Variants in SLC39A11 observed in about 807,000 individuals in gnomAD.
The protein encoded by SLC39A11 is zinc transporter ZIP11.
In SLC39A11, 33 loss-of-function variants were observed where a neutral mutation model predicts 36.1. The observed-to-expected ratio is 0.91, with a 90% CI of 0.69 to 1.22. The LOEUF (loss-of-function observed/expected upper bound fraction) is 1.22, where lower values mean the gene tolerates loss of function less well. SLC39A11 is among the 50% of genes most tolerant of loss of function. SLC39A11 has a pLI of 0.00. For missense variants in SLC39A11, 432 were observed against 430.3 expected, an observed-to-expected ratio of 1.00 and a Z score of -0.03; for synonymous variants, 166 against 170.3, an observed-to-expected ratio of 0.97 and a Z score of 0.20.
chr17:73,050,409 A>G (rs983755000), intron 3 of SLC39A11, among the ~76,000 whole-genome samples: 2 of 147,392 alleles, frequency 1.4e-5, no homozygotes, highest in African/African-American at 2.5e-5. Flanking sequence ...GTGGGTCCTC[A>G]TGGGCCATGA....
intron 7 of SLC39A11, among the ~76,000 whole-genome samples, chr17:72,716,739 T>C (rs2073383299): frequency 6.6e-6 from 1 of 151,820 alleles, no homozygotes; most frequent in Admixed American, 6.6e-5. Context: ...GAAATCGAGG[T>C]GGGCGGATCA....
At chr17:73,039,728 G>T (rs1021433758) in intron 3 of SLC39A11, among the ~76,000 whole-genome samples, 1 of 152,232 alleles carries the variant, frequency 6.6e-6, no homozygotes, top group East Asian at 1.9e-4. Context: ...CAGAATTTTC[G>T]AAGCTTCACA....
At chr17:72,720,257 G>A (rs143530555) in intron 7 of SLC39A11, among the ~76,000 whole-genome samples, 4 of 152,326 alleles carry the variant, frequency 2.6e-5, no homozygotes, top group Non-Finnish European at 4.4e-5. Context: ...ATAAGATGAC[G>A]AAGTCAGCCT....
intron 3 of SLC39A11, among the ~76,000 whole-genome samples, chr17:73,065,197 G>T (rs961739452): frequency 1.3e-5 from 2 of 152,086 alleles, no homozygotes; most frequent in African/African-American, 4.8e-5. Flanking sequence ...TTGAGGTCAG[G>T]AGTTCGAGAC....
intron 3 of SLC39A11, among the ~76,000 whole-genome samples, chr17:73,082,272 G>A (rs2060568107): frequency 6.6e-6 from 1 of 151,622 alleles, no homozygotes; most frequent in East Asian, 1.9e-4. Flanking sequence ...TGATAGGAAA[G>A]AGATACATAA....
At chr17:72,779,568 C>G (rs182998834) in intron 6 of SLC39A11, among the ~76,000 whole-genome samples, 61 of 152,286 alleles carry the variant, frequency 4.0e-4, no homozygotes, top group Admixed American at 1.7e-3. Flanking sequence ...AAGCGCTGTT[C>G]ACCTGACCGT....
intron 6 of SLC39A11, among the ~76,000 whole-genome samples, chr17:72,795,895 CA>C (rs759697262): frequency 2.6e-5 from 4 of 152,098 alleles, no homozygotes; most frequent in Non-Finnish European, 4.4e-5. Flanking sequence ...TGGTATGTAA[CA>C]GGGGCTCAAG....
chr17:72,962,337 A>G (rs951323655), intron 4 of SLC39A11, among the ~76,000 whole-genome samples: 5 of 152,194 alleles, frequency 3.3e-5, no homozygotes, highest in African/African-American at 9.7e-5. Context: ...CTCTGCTCAG[A>G]GTCCCACAGG....
At chr17:72,974,658 A>T (rs1035759076) in intron 4 of SLC39A11, among the ~76,000 whole-genome samples, 14 of 152,142 alleles carry the variant, frequency 9.2e-5, no homozygotes, top group African/African-American at 3.4e-4. Context: ...AAATATTTTG[A>T]TTGCTTTAGT....
intron 4 of SLC39A11, among the ~76,000 whole-genome samples, chr17:72,985,461 G>A (rs1458475623): frequency 1.6e-5 from 2 of 122,640 alleles, no homozygotes; most frequent in African/African-American, 6.4e-5. Flanking sequence ...CACCTAGGCT[G>A]GAGTGCAGGG....
intron 6 of SLC39A11, among the ~76,000 whole-genome samples, chr17:72,826,119 T>C (rs1216543239): frequency 6.6e-6 from 1 of 152,222 alleles, no homozygotes. Flanking sequence ...ATCCCCAGTG[T>C]TGGAGGAAAG....
At chr17:72,803,377 C>T (rs768676809) in intron 6 of SLC39A11, among the ~76,000 whole-genome samples, 10 of 152,260 alleles carry the variant, frequency 6.6e-5, no homozygotes, top group African/African-American at 9.6e-5. Flanking sequence ...CATAAAACAA[C>T]GCACAAACCC....
At chr17:72,883,096 G>A (rs1472264182) in intron 5 of SLC39A11, among the ~76,000 whole-genome samples, 1 of 152,034 alleles carries the variant, frequency 6.6e-6, no homozygotes, top group Non-Finnish European at 1.5e-5. Flanking sequence ...GTGCCAGGCC[G>A]AGAAAATGCT....
At chr17:72,861,725 T>C (rs1178793338) in intron 5 of SLC39A11, among the ~76,000 whole-genome samples, 5 of 120,852 alleles carry the variant, frequency 4.1e-5, no homozygotes, top group Admixed American at 2.7e-4. Context: ...GATATATATA[T>C]ACACACATTG....
intron 4 of SLC39A11, among the ~76,000 whole-genome samples, chr17:72,971,593 C>T (rs2087458340): frequency 1.3e-5 from 2 of 152,188 alleles, no homozygotes; most frequent in South Asian, 2.1e-4. Context: ...AACAGCATTT[C>T]GAGGAAGCTT....
At chr17:73,064,617 C>T (rs2059943657) in intron 3 of SLC39A11, among the ~76,000 whole-genome samples, 1 of 152,146 alleles carries the variant, frequency 6.6e-6, no homozygotes, top group Non-Finnish European at 1.5e-5. Flanking sequence ...CTGGCCTCAG[C>T]TGCCCAGAGA....
intron 6 of SLC39A11, among the ~76,000 whole-genome samples, chr17:72,779,274 T>C (rs2076229460): frequency 6.6e-6 from 1 of 151,920 alleles, no homozygotes; most frequent in Non-Finnish European, 1.5e-5. Context: ...TGAAACCCCG[T>C]CTCTACTAAA....
chr17:72,837,816 T>A (rs933631520), intron 6 of SLC39A11: 1 of 584,394 alleles, frequency 1.7e-6, no homozygotes. Flanking sequence ...ATGATACCGT[T>A]TAAATGAAAG....
chr17:73,068,215 G>T (rs2144439356), intron 3 of SLC39A11: 2 of 1,006,428 alleles, frequency 2.0e-6, no homozygotes, highest in Non-Finnish European at 3.0e-6. Context: ...TTTCTGGGGA[G>T]ACCTCCGTAA....
Sources: allele counts gnomAD v4.1 joint callset (sites outside exome capture counted in the v4.1 genomes callset), GRCh38; gene constraint gnomAD v4.1.1; transcripts MANE v1.5; gene names NCBI Gene and HGNC (gene_info 2026-07-23, HGNC 2026-07-21).